The following ZFAT variants were observed in gnomAD, a reference collection of about 807,000 sequenced individuals.
The protein encoded by ZFAT is zinc finger protein ZFAT.
Under a neutral mutation model 117.7 loss-of-function variants are expected in ZFAT, and 64 were observed. That is an observed-to-expected ratio of 0.54 (90% CI 0.44 to 0.67). ZFAT has a LOEUF of 0.67. Ranked by LOEUF, ZFAT falls within the 30% of genes least tolerant of loss-of-function variation. The pLI is 0.00. For synonymous variants in ZFAT, 679 were observed against 615.0 expected (o/e 1.10, Z -1.54); for missense variants, 1,433 against 1,584.5 (o/e 0.90, Z 1.62).
intron 15 of ZFAT, among the ~76,000 whole-genome samples, chr8:134,479,182 C>T (rs1331257752): frequency 2.0e-5 from 3 of 152,244 alleles, no homozygotes; most frequent in East Asian, 1.9e-4. Flanking sequence ...TGTGTTTCCA[C>T]ACTCAGGGAG....
intron 1 of ZFAT, among the ~76,000 whole-genome samples, chr8:134,707,987 T>C (rs531876881): frequency 3.9e-5 from 6 of 152,118 alleles, no homozygotes; most frequent in African/African-American, 1.4e-4. Context: ...GTGGGACATA[T>C]ACACAACGGA....
At chr8:134,688,109 T>C (rs987481521) in intron 1 of ZFAT, among the ~76,000 whole-genome samples, 1 of 151,828 alleles carries the variant, frequency 6.6e-6, no homozygotes, top group Non-Finnish European at 1.5e-5. Flanking sequence ...GGGGATCTTG[T>C]GGTGGGGGTG....
rs1454265667 is a variant in ZFAT, at chr8:134,712,859, T to C, written c.5A>G (p.Glu2Gly). M[E>G]TRAAENTAIF... ...GCCCGGCTCACCTGCCGCCCGCGTC[T>C]CCATGGCAACGCCCCACCGCGGAGG... Residue 2 changes from glutamate to glycine, a missense_variant, in exon 1 of 16, where the codon GAG (glutamate) becomes GGG (glycine). This residue lies in a region of ZFAT where 436 missense variants were observed against 482.0 expected (regional missense o/e 0.90). Coordinates refer to ENST00000377838, the MANE Select transcript of ZFAT (RefSeq NM_020863.4). The C allele has an allele frequency of 7.1e-7, 1 of 1,399,292 alleles. No homozygotes were observed. The highest frequency in any genetic ancestry group is 9.4e-7 in the Non-Finnish European group (1 of 1,067,564). 86.7% of individuals were successfully genotyped at this position (1,399,292 alleles called of 1,614,324 possible).
At chr8:134,799,103 A>G in the ZFAT span, among the ~76,000 whole-genome samples, 5 of 152,216 alleles carry the variant, frequency 3.3e-5, no homozygotes, top group Non-Finnish European at 2.9e-5. Flanking sequence ...TCGTAATGAC[A>G]AAGAAAATTA....
chr8:134,482,359 G>T (rs1474260863), intron 15 of ZFAT, among the ~76,000 whole-genome samples: 1 of 152,230 alleles, frequency 6.6e-6, no homozygotes, highest in African/African-American at 2.4e-5. Flanking sequence ...GGCCTGAAAC[G>T]AAGTTCGCAG....
chr8:134,792,441 T>C, the ZFAT span: 1 of 152,250 alleles, frequency 6.6e-6, no homozygotes, highest in Non-Finnish European at 1.5e-5. Flanking sequence ...CCATTTGAAC[T>C]GTGTTACTCT....
chr8:134,811,209 T>C, the ZFAT span, among the ~76,000 whole-genome samples: 5 of 152,162 alleles, frequency 3.3e-5, no homozygotes, highest in African/African-American at 1.2e-4. Flanking sequence ...GACAAATAGC[T>C]AGAGAATGAA....
intron 12 of ZFAT, among the ~76,000 whole-genome samples, chr8:134,530,126 T>A (rs1471809543): frequency 6.6e-6 from 1 of 152,224 alleles, no homozygotes; most frequent in African/African-American, 2.4e-5. Context: ...TTAACACAGC[T>A]GATACACAAG....
chr8:134,754,807 C>T, the ZFAT span, among the ~76,000 whole-genome samples: 1 of 152,088 alleles, frequency 6.6e-6, no homozygotes, highest in Non-Finnish European at 1.5e-5. Context: ...GGATGTGGGA[C>T]CCAATGAGAG....
At chr8:134,772,604 T>A in the ZFAT span, among the ~76,000 whole-genome samples, 2 of 152,216 alleles carry the variant, frequency 1.3e-5, no homozygotes, top group Non-Finnish European at 2.9e-5. Context: ...AAGTGCAAGA[T>A]GAAATAGCAA....
intron 11 of ZFAT, among the ~76,000 whole-genome samples, chr8:134,561,361 G>C (rs901221438): frequency 6.6e-6 from 1 of 152,060 alleles, no homozygotes; most frequent in African/African-American, 2.4e-5. Context: ...AAACCATCAG[G>C]CCAGTCATCT....
chr8:134,796,930 G>A, the ZFAT span: 2 of 152,174 alleles, frequency 1.3e-5, no homozygotes, highest in African/African-American at 4.8e-5. Context: ...TCATGACATT[G>A]TATCAGTGAC....
the ZFAT span, among the ~76,000 whole-genome samples, chr8:134,771,888 G>A: frequency 1.3e-5 from 2 of 152,320 alleles, no homozygotes; most frequent in African/African-American, 4.8e-5. Context: ...GCAAGGAGGA[G>A]CAAGTCACAT....
At chr8:134,797,684 ACCCTTGGGAC>A in the ZFAT span, 1 of 152,076 alleles carries the variant, frequency 6.6e-6, no homozygotes, top group Non-Finnish European at 1.5e-5. Flanking sequence ...TAGTAAAAAT[ACCCTTGGGAC>A]TAGTTGTTTT....
At chr8:134,661,524 A>T (rs1831931818) in intron 1 of ZFAT, among the ~76,000 whole-genome samples, 1 of 152,202 alleles carries the variant, frequency 6.6e-6, no homozygotes, top group Non-Finnish European at 1.5e-5. Flanking sequence ...GGTCATTGGA[A>T]ACAGCATCTG....
At chr8:134,735,776 C>G in the ZFAT span, among the ~76,000 whole-genome samples, 2 of 152,132 alleles carry the variant, frequency 1.3e-5, no homozygotes, top group Non-Finnish European at 2.9e-5. Flanking sequence ...TTCACTATGA[C>G]AGTATTATAC....
intron 1 of ZFAT, among the ~76,000 whole-genome samples, chr8:134,685,072 G>A (rs1372729171): frequency 5.9e-5 from 9 of 152,260 alleles, no homozygotes; most frequent in Admixed American, 1.3e-4. Flanking sequence ...GCTGCCTCCT[G>A]TTGGTCACAC....
At chr8:134,657,768 T>C in intron 1 of ZFAT, 31 bp from the exon 2 acceptor site, 1 of 1,602,650 alleles carries the variant, frequency 6.2e-7, no homozygotes, top group Non-Finnish European at 8.5e-7. Context: ...AATATGTTAT[T>C]TCATCTCCAC....
the ZFAT span, among the ~76,000 whole-genome samples, chr8:134,817,398 C>T: frequency 1.7e-3 from 94 of 55,122 alleles, no homozygotes; most frequent in African/African-American, 6.2e-3. Flanking sequence ...TCTCTCTACA[C>T]ACACACACAC....
Sources: allele counts gnomAD v4.1 joint callset (sites outside exome capture counted in the v4.1 genomes callset), GRCh38; gene constraint gnomAD v4.1.1; regional missense constraint gnomAD v4.1.1; transcripts MANE v1.5; gene names NCBI Gene and HGNC (gene_info 2026-07-23, HGNC 2026-07-21).